The following EXOC4 variants were observed in gnomAD, a reference collection of about 807,000 sequenced individuals.
EXOC4 encodes the protein exocyst complex component 4, also known as SEC8-like 1.
A neutral mutation model predicts 107.2 loss-of-function variants in EXOC4; 71 were observed. That is an observed-to-expected ratio of 0.66 (90% CI 0.55 to 0.81). EXOC4 has a LOEUF of 0.81. Among genes scored for constraint, EXOC4 ranks in the 30% least tolerant of loss-of-function variants. The pLI is 0.00. For synonymous variants in EXOC4, 456 were observed against 441.2 expected, an observed-to-expected ratio of 1.03 and a Z score of -0.42; for missense variants, 1,108 against 1,189.6, an observed-to-expected ratio of 0.93 and a Z score of 1.01.
intron 5 of EXOC4, among the ~76,000 whole-genome samples, chr7:133,333,121 A>G (rs1393644435): frequency 2.6e-5 from 4 of 152,214 alleles, no homozygotes; most frequent in Non-Finnish European, 5.9e-5. Context: ...TACTAATAGA[A>G]TTCTACTGTG....
chr7:133,935,706 A>G (rs1017184623), intron 13 of EXOC4, among the ~76,000 whole-genome samples: 1 of 152,188 alleles, frequency 6.6e-6, no homozygotes, highest in East Asian at 1.9e-4. Context: ...TGTGTTATGC[A>G]CTTAAAAGCA....
At chr7:133,839,685 G>C (rs930694870) in intron 11 of EXOC4, among the ~76,000 whole-genome samples, 3 of 152,170 alleles carry the variant, frequency 2.0e-5, no homozygotes, top group African/African-American at 7.2e-5. Context: ...TGTAGTGACA[G>C]GTGCTTTATA....
At chr7:133,346,730 G>A (rs1336707042) in intron 5 of EXOC4, among the ~76,000 whole-genome samples, 5 of 152,156 alleles carry the variant, frequency 3.3e-5, no homozygotes, top group African/African-American at 7.2e-5. Flanking sequence ...CAGTTCTCAT[G>A]TGATAGAGGG....
intron 12 of EXOC4, among the ~76,000 whole-genome samples, chr7:133,903,860 T>C (rs954600039): frequency 6.6e-6 from 1 of 152,160 alleles, no homozygotes; most frequent in African/African-American, 2.4e-5. Flanking sequence ...TCAAAGGACA[T>C]TGACAAGCAG....
chr7:133,328,920 A>AT (rs1309375131), intron 5 of EXOC4, among the ~76,000 whole-genome samples: 1 of 152,020 alleles, frequency 6.6e-6, no homozygotes, highest in Non-Finnish European at 1.5e-5. Context: ...CTTGAGGAGT[A>AT]TTTTTGTGGT....
At chr7:133,647,680 A>G (rs1184641843) in intron 10 of EXOC4, among the ~76,000 whole-genome samples, 1 of 152,110 alleles carries the variant, frequency 6.6e-6, no homozygotes, top group Admixed American at 6.6e-5. Context: ...AGTGGCTCTC[A>G]TTAGGCTGTT....
At chr7:133,304,507 T>C (rs1295400899) in intron 3 of EXOC4, among the ~76,000 whole-genome samples, 1 of 152,200 alleles carries the variant, frequency 6.6e-6, no homozygotes, top group Non-Finnish European at 1.5e-5. Flanking sequence ...TAAGGAAACT[T>C]ATTTGCTACT....
At chr7:133,587,865 CA>C (rs1309867272) in intron 9 of EXOC4, among the ~76,000 whole-genome samples, 2 of 151,542 alleles carry the variant, frequency 1.3e-5, no homozygotes, top group Admixed American at 6.6e-5. Flanking sequence ...TTGAACTTTG[CA>C]AAAAGAAAAA....
intron 10 of EXOC4, among the ~76,000 whole-genome samples, chr7:133,750,217 T>C (rs185580552): frequency 6.6e-6 from 1 of 152,226 alleles, no homozygotes; most frequent in Admixed American, 6.5e-5. Flanking sequence ...CTGAAGACTC[T>C]GGATTCTGTG....
chr7:133,463,359 T>G (rs970724745), intron 7 of EXOC4, among the ~76,000 whole-genome samples: 2 of 152,246 alleles, frequency 1.3e-5, no homozygotes, highest in East Asian at 3.9e-4. Context: ...CTGAGTTTGT[T>G]GGACCCATGT....
chr7:133,405,937 T>C (rs1185316628), intron 7 of EXOC4, among the ~76,000 whole-genome samples: 4 of 152,190 alleles, frequency 2.6e-5, no homozygotes, highest in South Asian at 2.1e-4. Flanking sequence ...TTAGTAAATA[T>C]TTGAGTGCCT....
At chr7:133,857,602 G>A (rs1012625408) in intron 11 of EXOC4, among the ~76,000 whole-genome samples, 1 of 151,066 alleles carries the variant, frequency 6.6e-6, no homozygotes, top group African/African-American at 2.4e-5. Flanking sequence ...GGGTGTGTGC[G>A]CCACTAAGCA....
intron 11 of EXOC4, among the ~76,000 whole-genome samples, chr7:133,874,024 A>G (rs1034969991): frequency 1.3e-5 from 2 of 152,186 alleles, no homozygotes; most frequent in African/African-American, 4.8e-5. Flanking sequence ...TTGACAAATT[A>G]TGTGCTTTGA....
the EXOC4 span, among the ~76,000 whole-genome samples, chr7:134,092,150 G>T: frequency 6.6e-6 from 1 of 152,104 alleles, no homozygotes; most frequent in Non-Finnish European, 1.5e-5. Flanking sequence ...TAGGTGTGGG[G>T]TTTCTTTTTG....
At chr7:133,337,080 AG>A (rs1795534744) in intron 5 of EXOC4, among the ~76,000 whole-genome samples, 1 of 152,170 alleles carries the variant, frequency 6.6e-6, no homozygotes, top group Admixed American at 6.5e-5. Flanking sequence ...TAGATTTCTT[AG>A]TATTTAGACA....
chr7:133,836,484 C>T (rs1462333387), intron 11 of EXOC4, among the ~76,000 whole-genome samples: 2 of 152,106 alleles, frequency 1.3e-5, no homozygotes, highest in African/African-American at 4.8e-5. Flanking sequence ...TTTAACAGCA[C>T]CGACACTTGT....
At position 133,369,278 on chromosome 7, in the gene EXOC4, G is replaced by C. The variant is rs186503860; in HGVS notation, c.1008-5550G>C. 4.6e-3 allele frequency among the ~76,000 whole-genome samples: 695 copies of C among 152,228 alleles called. 7 individuals carry two copies. Among genetic ancestry groups the C allele is most frequent in the South Asian group, 0.023 (113 of 4,820 alleles). On this transcript the variant is annotated intron_variant, in intron 6 of 17. Transcript: ENST00000253861. Reference sequence around the variant, plus strand: ...TTCTTTGCTGCATCAGAGGAGCGTCGTCTTCCTTTCTCCTTTTCTTTTTAA... The same window carrying C: ...TTCTTTGCTGCATCAGAGGAGCGTCCTCTTCCTTTCTCCTTTTCTTTTTAA...
At chr7:133,786,835 G>A (rs1796579087) in intron 10 of EXOC4, among the ~76,000 whole-genome samples, 1 of 152,130 alleles carries the variant, frequency 6.6e-6, no homozygotes, top group Non-Finnish European at 1.5e-5. Flanking sequence ...AATCATCCAG[G>A]CAAACAAAGT....
chr7:133,886,877 A>C (rs951953949), intron 11 of EXOC4, among the ~76,000 whole-genome samples: 1 of 152,208 alleles, frequency 6.6e-6, no homozygotes, highest in African/African-American at 2.4e-5. Context: ...TTCTTGAAAA[A>C]TGGAAACTTT....
Sources: gnomAD v4.1 joint callset for allele counts (sites outside exome capture counted in the v4.1 genomes callset) on GRCh38, gnomAD v4.1.1 for gene constraint, MANE v1.5 for transcripts, NCBI Gene and HGNC (gene_info 2026-07-23, HGNC 2026-07-21) for gene names.